The following SYNPR variants were observed in gnomAD, a reference collection of about 807,000 sequenced individuals.
SYNPR encodes the protein synaptoporin.
SYNPR carries 23 observed loss-of-function variants against 32.9 expected under a neutral mutation model. The observed-to-expected ratio is 0.70, with a 90% CI of 0.50 to 0.99. The LOEUF (loss-of-function observed/expected upper bound fraction) is 0.99. SYNPR is among the 50% of genes least tolerant of loss of function. The pLI, the probability that SYNPR is intolerant of heterozygous loss-of-function variation, is 0.00. For synonymous variants in SYNPR, 146 were observed against 135.9 expected, an observed-to-expected ratio of 1.07 and a Z score of -0.52; for missense variants, 318 against 349.3, an observed-to-expected ratio of 0.91 and a Z score of 0.71.
intron 3 of SYNPR, among the ~76,000 whole-genome samples, chr3:63,494,448 C>CATATAT (rs1559516365): frequency 3.1e-4 from 28 of 89,394 alleles, no homozygotes; most frequent in African/African-American, 1.1e-3. Flanking sequence ...TATATATATA[C>CATATAT]ACATATATAT....
At chr3:63,244,584 G>A (rs994224450) in intron 1 of SYNPR, among the ~76,000 whole-genome samples, 1 of 152,082 alleles carries the variant, frequency 6.6e-6, no homozygotes, top group African/African-American at 2.4e-5. Context: ...GGTAGTCAGT[G>A]TTGGCTTGAA....
At chr3:63,389,308 A>G (rs2088099425) in intron 2 of SYNPR, among the ~76,000 whole-genome samples, 1 of 152,166 alleles carries the variant, frequency 6.6e-6, no homozygotes, top group Non-Finnish European at 1.5e-5. Flanking sequence ...AAGTGCAAAA[A>G]AGTGGGGAAA....
At chr3:63,396,244 C>G (rs9838988) in intron 2 of SYNPR, among the ~76,000 whole-genome samples, 2,727 of 152,254 alleles carry the variant, frequency 0.018, 80 homozygotes, top group African/African-American at 0.062. Flanking sequence ...AGTGATTCAT[C>G]CATATCACAA....
chr3:63,535,392 T>C (rs1191842911), intron 3 of SYNPR, among the ~76,000 whole-genome samples: 2 of 152,178 alleles, frequency 1.3e-5, no homozygotes, highest in East Asian at 1.9e-4. Context: ...TTCCTTCTAC[T>C]GACTCTGAAA....
intron 4 of SYNPR, among the ~76,000 whole-genome samples, chr3:63,576,303 A>G (rs1217121913): frequency 6.6e-6 from 1 of 152,176 alleles, no homozygotes; most frequent in East Asian, 1.9e-4. Context: ...AGTACGTGAA[A>G]CAAATACCAA....
chr3:63,451,800 A>G lies in SYNPR; in HGVS notation c.85-29032A>G, dbSNP rs374992630. ...ATTAGCCCCCACTATAGGATATTCAAGGGTTTCTCATTTCTCATGTTTTAT... is the reference window on the plus strand; with the variant it reads ...ATTAGCCCCCACTATAGGATATTCAGGGGTTTCTCATTTCTCATGTTTTAT... On this transcript the variant is annotated intron_variant, in intron 2 of 5. Transcript: ENST00000478300. Among the ~76,000 whole-genome samples the G allele has an allele frequency of 8.5e-5, 13 of 152,270 alleles. No individual in the cohort carries two copies. In the South Asian group the frequency reaches 1.9e-3, roughly 22 times the overall value.
chr3:63,588,415 C>A (rs1185208526), intron 4 of SYNPR, among the ~76,000 whole-genome samples: 1 of 152,046 alleles, frequency 6.6e-6, no homozygotes, highest in Non-Finnish European at 1.5e-5. Flanking sequence ...TGTTTTCCAG[C>A]TATATTTATA....
rs1468898128 is a variant in SYNPR at position 63,615,806 on chromosome 3, A to T, written c.*325A>T. ...TTAAAGTCTCTAGTATGTAATATGCATAAAGTAAATCAAATAGCGTTGAGT... is the reference window on the plus strand; with the variant it reads ...TTAAAGTCTCTAGTATGTAATATGCTTAAAGTAAATCAAATAGCGTTGAGT... On this transcript the variant is annotated 3_prime_UTR_variant, in exon 6 of 6. Coordinates refer to ENST00000478300, the MANE Select transcript of SYNPR (RefSeq NM_001130003.2). 5.0e-6 allele frequency: 1 copy of T among 200,022 alleles called. No individual in the cohort carries two copies. The highest frequency in any genetic ancestry group is 1.0e-5 in the Non-Finnish European group (1 of 99,050). 12.4% of individuals were successfully genotyped at this position (200,022 alleles called of 1,614,324 possible). A position where few individuals can be genotyped will look rare whatever the true frequency, so the allele number is the denominator to read the frequency against.
chr3:63,239,118 T>C (rs2086219349), intron 1 of SYNPR, among the ~76,000 whole-genome samples: 2 of 152,114 alleles, frequency 1.3e-5, no homozygotes, highest in South Asian at 4.1e-4. Context: ...GAGACTGAGC[T>C]GTGATATCTG....
chr3:63,353,085 CTG>C (rs2087531822), intron 2 of SYNPR, among the ~76,000 whole-genome samples: 5 of 152,230 alleles, frequency 3.3e-5, no homozygotes, highest in Admixed American at 6.5e-5. Flanking sequence ...TTACAAGACA[CTG>C]CAATCTGGAG....
intron 2 of SYNPR, among the ~76,000 whole-genome samples, chr3:63,360,424 G>T (rs1056108233): frequency 2.0e-5 from 3 of 152,156 alleles, no homozygotes; most frequent in African/African-American, 7.2e-5. Context: ...TCTCAAAGCT[G>T]TGCTGCACAT....
intron 2 of SYNPR, among the ~76,000 whole-genome samples, chr3:63,471,234 A>G (rs536848196): frequency 3.9e-5 from 6 of 152,350 alleles, no homozygotes; most frequent in Admixed American, 2.6e-4. Flanking sequence ...GAGCACAGGT[A>G]GTTATATATT....
chr3:63,217,634 G>C, the SYNPR span, among the ~76,000 whole-genome samples: 1 of 150,266 alleles, frequency 6.7e-6, no homozygotes, highest in Non-Finnish European at 1.5e-5. Context: ...GATGAACCTG[G>C]TACCTCAGAT....
intron 2 of SYNPR, among the ~76,000 whole-genome samples, chr3:63,263,281 G>A (rs1415819673): frequency 6.6e-6 from 1 of 152,162 alleles, no homozygotes; most frequent in Non-Finnish European, 1.5e-5. Context: ...CCACCAGTTG[G>A]TCATCTCTCA....
intron 3 of SYNPR, among the ~76,000 whole-genome samples, chr3:63,553,357 T>G (rs1168771100): frequency 6.6e-6 from 1 of 152,214 alleles, no homozygotes; most frequent in Admixed American, 6.5e-5. Context: ...GCACCTGAGT[T>G]GATTCTGTGT....
Position 63,403,441 on chromosome 3 carries a change from TACACACACAC to T in SYNPR, c.85-77371_85-77362del, listed in dbSNP as rs10559096. Among the ~76,000 whole-genome samples, 39 of 145,932 alleles carry T rather than the reference TACACACACAC, an allele frequency of 2.7e-4. 1 individual carries two copies. Among genetic ancestry groups the T allele is most frequent in the East Asian group, 2.0e-4 (1 of 4,946 alleles). On this transcript the variant is annotated intron_variant, in intron 2 of 5. Transcript: ENST00000478300. ...ACATTCTCATACGTATGTATACACA[TACACACACAC>T]ACACACACACACACACACATAGAGA...
intron 2 of SYNPR, among the ~76,000 whole-genome samples, chr3:63,417,790 G>A (rs1250102666): frequency 6.6e-6 from 1 of 152,202 alleles, no homozygotes; most frequent in Non-Finnish European, 1.5e-5. Flanking sequence ...TCATGGCTGG[G>A]GTGGCTGGGA....
the SYNPR span, among the ~76,000 whole-genome samples, chr3:63,200,867 G>C: frequency 6.6e-6 from 1 of 152,140 alleles, no homozygotes; most frequent in Non-Finnish European, 1.5e-5. Context: ...CTGGGAGCTG[G>C]ATGTGTTTTT....
chr3:63,595,999 A>G (rs1314490345), intron 4 of SYNPR, among the ~76,000 whole-genome samples: 3 of 124,018 alleles, frequency 2.4e-5, no homozygotes, highest in African/African-American at 8.1e-5. Context: ...AGTTTTATAT[A>G]TATATATAAT....
Sources: gnomAD v4.1 joint callset for allele counts (sites outside exome capture counted in the v4.1 genomes callset) on GRCh38, gnomAD v4.1.1 for gene constraint, MANE v1.5 for transcripts, NCBI Gene and HGNC (gene_info 2026-07-23, HGNC 2026-07-21) for gene names.